KALRN: variants seen among roughly 807,000 people sequenced by gnomAD.
KALRN encodes the protein kalirin RhoGEF kinase.
A neutral mutation model predicts 353.7 loss-of-function variants in KALRN; 70 were observed. That is an observed-to-expected ratio of 0.20 (90% CI 0.16 to 0.24). The LOEUF (loss-of-function observed/expected upper bound fraction) is 0.24, where lower values mean the gene tolerates loss of function less well. KALRN is among the 10% of genes least tolerant of loss of function. The pLI is 1.00. For synonymous variants in KALRN, 1,391 were observed against 1,434.8 expected (o/e 0.97, Z 0.69); for missense variants, 2,791 against 3,756.7 (o/e 0.74, Z 6.72).
intron 28 of KALRN, among the ~76,000 whole-genome samples, chr3:124,485,405 G>T (rs866920488): frequency 5.9e-5 from 9 of 152,182 alleles, no homozygotes; most frequent in Non-Finnish European, 8.8e-5. Context: ...ATAGACAAGG[G>T]AGAGAAGTTG....
chr3:124,449,233 G>A (rs1156392726), intron 21 of KALRN, among the ~76,000 whole-genome samples: 1 of 152,138 alleles, frequency 6.6e-6, no homozygotes, highest in Non-Finnish European at 1.5e-5. Context: ...GTTGAATAGG[G>A]CAGTGGAGTA....
chr3:124,392,923 G>GGT (rs1456154529), intron 11 of KALRN, among the ~76,000 whole-genome samples: 3 of 146,342 alleles, frequency 2.0e-5, no homozygotes, highest in African/African-American at 7.6e-5. Flanking sequence ...ATCTCCCAAT[G>GGT]CTATCCCTCC....
At chr3:124,044,002 C>T (rs115503455) in intron 1 of KALRN, among the ~76,000 whole-genome samples, 132 of 152,176 alleles carry the variant, frequency 8.7e-4, no homozygotes, top group Non-Finnish European at 1.5e-3. Context: ...GGGATTTGCT[C>T]ATGAATTTCC....
At chr3:124,456,312 A>G (rs1025661983) in intron 22 of KALRN, among the ~76,000 whole-genome samples, 1 of 152,216 alleles carries the variant, frequency 6.6e-6, no homozygotes, top group African/African-American at 2.4e-5. Flanking sequence ...TTTAGATTTA[A>G]TTAGGACCAA....
At chr3:124,430,818 T>C (rs770292295) in intron 16 of KALRN, 43 bp downstream of exon 16, 2 of 1,591,666 alleles carry the variant, frequency 1.3e-6, no homozygotes, top group African/African-American at 2.7e-5. Flanking sequence ...TTCGCCTTTC[T>C]GCTCTGTACC....
At chr3:124,273,778 C>T (rs2074411293) in intron 5 of KALRN, among the ~76,000 whole-genome samples, 1 of 152,200 alleles carries the variant, frequency 6.6e-6, no homozygotes, top group African/African-American at 2.4e-5. Flanking sequence ...ATGATTCAAA[C>T]AATGCATGAT....
At chr3:124,555,167 G>A (rs574813785) in intron 33 of KALRN, among the ~76,000 whole-genome samples, 10 of 152,150 alleles carry the variant, frequency 6.6e-5, no homozygotes, top group African/African-American at 2.4e-4. Context: ...ACTGGCAGGA[G>A]CTTGAATCTC....
intron 50 of KALRN, 57 bp from the exon 51 acceptor site, chr3:124,679,401 C>G: frequency 6.8e-7 from 1 of 1,464,872 alleles, no homozygotes; most frequent in Non-Finnish European, 9.5e-7. Context: ...CTAGCAAAAG[C>G]TACTTGTGTT....
chr3:124,602,936 CG>C (rs2076952827), intron 34 of KALRN, among the ~76,000 whole-genome samples: 2 of 55,266 alleles, frequency 3.6e-5, no homozygotes, highest in Non-Finnish European at 6.9e-5. Flanking sequence ...TTCCAGTTTT[CG>C]TGGTTTTTTT....
chr3:124,678,395 A>T, intron 50 of KALRN, 82 bp downstream of exon 50: 3 of 1,467,106 alleles, frequency 2.0e-6, no homozygotes, highest in Admixed American at 2.0e-5. Context: ...ATTTGGGTGG[A>T]TGGGTTATTT....
rs1019672256 is a variant in KALRN, at chr3:124,334,902, C to G, written c.1647+407C>G. ...CTCCGCTTTCTGGGTTCAAGCGATT[C>G]TTGTTCCTCAGCCTCCCAAGTAGCT... is the stretch of plus-strand genomic sequence containing the variant. On this transcript the variant is annotated intron_variant, in intron 9 of 59. Transcript: ENST00000682506. This position sits in a 1 kb window ranked among gnomAD's most constrained non-coding sequence, Gnocchi z 4.2. Among the ~76,000 whole-genome samples, 1 of 152,206 alleles carries G rather than the reference C, an allele frequency of 6.6e-6. No individual in the cohort carries two copies. Among genetic ancestry groups the G allele is most frequent in the Non-Finnish European group, 1.5e-5 (1 of 68,034 alleles).
At chr3:124,696,046 C>T (rs2062035184) in intron 53 of KALRN, 88 bp from the exon 54 acceptor site, 6 of 1,426,480 alleles carry the variant, frequency 4.2e-6, no homozygotes, top group Non-Finnish European at 5.8e-6. Flanking sequence ...CTCAGCTCAG[C>T]ACACCATGGG....
rs529372593 is a variant in KALRN at position 124,057,368 on chromosome 3, G to T, written c.73+23555G>T. Among the ~76,000 whole-genome samples, 119 of 152,266 alleles carry T rather than the reference G, an allele frequency of 7.8e-4. 1 individual carries two copies. The South Asian group carries it at 0.012, about 15-fold the overall frequency. On this transcript the variant is annotated intron_variant, in intron 1 of 59. Transcript: ENST00000682506. Reference sequence around the variant, plus strand: ...CTCATAGTTTATAGAATGATCAAGAGTCAGAACCAGAGGGGGAAGCCTGGC... The same window carrying T: ...CTCATAGTTTATAGAATGATCAAGATTCAGAACCAGAGGGGGAAGCCTGGC...
chr3:124,450,248 G>A (rs970053916), intron 21 of KALRN, among the ~76,000 whole-genome samples: 6 of 152,296 alleles, frequency 3.9e-5, no homozygotes, highest in South Asian at 4.1e-4. Context: ...AGAGGGTGTG[G>A]AGTGGTATTC....
At chr3:124,705,163 A>G (rs888295791) in intron 57 of KALRN, among the ~76,000 whole-genome samples, 2 of 152,194 alleles carry the variant, frequency 1.3e-5, no homozygotes, top group African/African-American at 2.4e-5. Context: ...CATTGCCTAT[A>G]CCCATTGCTA....
At chr3:124,448,558 A>G (rs150342876) in intron 21 of KALRN, among the ~76,000 whole-genome samples, 4 of 152,124 alleles carry the variant, frequency 2.6e-5, no homozygotes, top group African/African-American at 9.6e-5. Context: ...CTTTTTTCAT[A>G]CATTTCTCTG....
intron 3 of KALRN, among the ~76,000 whole-genome samples, chr3:124,247,172 G>T (rs1244128780): frequency 6.6e-6 from 1 of 152,140 alleles, no homozygotes; most frequent in African/African-American, 2.4e-5. Flanking sequence ...GGCAGTTTAG[G>T]TGTGCTGCCA....
At chr3:124,065,316 A>G (rs2042266723) in intron 1 of KALRN, among the ~76,000 whole-genome samples, 2 of 152,162 alleles carry the variant, frequency 1.3e-5, no homozygotes, top group Admixed American at 1.3e-4. Flanking sequence ...GGATGTGTGA[A>G]TTCAGAAGGG....
Position 124,041,978 on chromosome 3 carries a change from A to G in KALRN, c.73+8165A>G, listed in dbSNP as rs561163800. Reference sequence around the variant, plus strand: ...TATGACATTATTAGAAGGGAGCTGGACACTAGCTAGGGAACATGGAAGCAA... The same window carrying G: ...TATGACATTATTAGAAGGGAGCTGGGCACTAGCTAGGGAACATGGAAGCAA... On this transcript the variant is annotated intron_variant, in intron 1 of 59. Transcript: ENST00000682506. Among the ~76,000 whole-genome samples, 3 of 152,304 alleles carry G rather than the reference A, an allele frequency of 2.0e-5. No homozygotes were observed. In the South Asian group the frequency reaches 6.2e-4, roughly 32 times the overall value.
Sources: allele counts gnomAD v4.1 joint callset (sites outside exome capture counted in the v4.1 genomes callset), GRCh38; gene constraint gnomAD v4.1.1; non-coding constraint Gnocchi (gnomAD v3.1); transcripts MANE v1.5; gene names NCBI Gene and HGNC (gene_info 2026-07-23, HGNC 2026-07-21).